Variants in ARHGAP21 observed in about 807,000 individuals in gnomAD.
The protein encoded by ARHGAP21 is rho GTPase-activating protein 21.
ARHGAP21 carries 38 observed loss-of-function variants against 164.6 expected under a neutral mutation model. That is an observed-to-expected ratio of 0.23 (90% confidence interval 0.18 to 0.30). The LOEUF is 0.30. Among genes scored for constraint, ARHGAP21 ranks in the 10% least tolerant of loss-of-function variants. The pLI is 1.00. For missense variants in ARHGAP21, 1,822 were observed against 2,370.7 expected, an observed-to-expected ratio of 0.77 and a Z score of 4.81; for synonymous variants, 766 against 857.9, an observed-to-expected ratio of 0.89 and a Z score of 1.87.
In ARHGAP21 at chr10:24,607,918, GA is replaced by G; in HGVS notation, c.2423-16del. ...AGTTGGTTCATCTGTAAGAAAAAAG[GA>G]AAATCAGAATGTTCAATGACCTAAT... On this transcript the variant is annotated splice_polypyrimidine_tract_variant and intron_variant, in intron 9 of 25. Transcript: ENST00000396432. 1 of 1,578,734 alleles carries G rather than the reference GA, an allele frequency of 6.3e-7. No individual in the cohort carries two copies.
intron 2 of ARHGAP21, among the ~76,000 whole-genome samples, chr10:24,710,892 G>A (rs750179037): frequency 2.6e-5 from 4 of 152,076 alleles, no homozygotes; most frequent in East Asian, 1.9e-4. Flanking sequence ...TCAGGAGTTC[G>A]AGAACAGCAT....
At chr10:24,648,893 G>A in intron 4 of ARHGAP21, 1 of 982,980 alleles carries the variant, frequency 1.0e-6, no homozygotes, top group South Asian at 4.7e-5. Flanking sequence ...TCAGTCAGAA[G>A]ACAACCCTGG....
chr10:24,665,437 A>C (rs1350516605), intron 4 of ARHGAP21, among the ~76,000 whole-genome samples: 1 of 152,208 alleles, frequency 6.6e-6, no homozygotes, highest in Non-Finnish European at 1.5e-5. Flanking sequence ...CAAACGAAAA[A>C]ACAGTAGTAC....
intron 9 of ARHGAP21, 93 bp from the exon 10 acceptor site, chr10:24,607,996 A>C: frequency 1.6e-6 from 2 of 1,259,170 alleles, no homozygotes; most frequent in Non-Finnish European, 2.2e-6. Flanking sequence ...GGGTCAGATA[A>C]GGATTTTAAC....
chr10:24,618,687 G>C (rs1182922875), intron 9 of ARHGAP21, among the ~76,000 whole-genome samples: 1 of 152,176 alleles, frequency 6.6e-6, no homozygotes, highest in Admixed American at 6.5e-5. Flanking sequence ...ATGGAAGATT[G>C]TGATAGGAGA....
chr10:24,721,282 G>A (rs1442985793), intron 2 of ARHGAP21, among the ~76,000 whole-genome samples: 5 of 152,298 alleles, frequency 3.3e-5, no homozygotes, highest in African/African-American at 4.8e-5. Flanking sequence ...CTGTAAGGTC[G>A]TTTTCCAAGG....
At chr10:24,676,683 A>G (rs7079052) in intron 2 of ARHGAP21, among the ~76,000 whole-genome samples, 4 of 152,082 alleles carry the variant, frequency 2.6e-5, no homozygotes, top group African/African-American at 7.2e-5. Flanking sequence ...ATCTATAAAC[A>G]TAATTTGAAA....
chr10:24,603,033 A>G (rs1362460548), intron 12 of ARHGAP21, among the ~76,000 whole-genome samples: 3 of 152,188 alleles, frequency 2.0e-5, no homozygotes, highest in Non-Finnish European at 4.4e-5. Flanking sequence ...CTGATTAAAC[A>G]TCCAAGTGAC....
chr10:24,712,103 A>T (rs149986867), intron 2 of ARHGAP21, among the ~76,000 whole-genome samples: 2,902 of 152,116 alleles, frequency 0.019, 35 homozygotes, highest in Middle Eastern at 0.054. Flanking sequence ...TTTAGCAGAG[A>T]TAGGGTTTTG....
intron 4 of ARHGAP21, chr10:24,648,989 T>C: frequency 2.5e-6 from 1 of 407,042 alleles, no homozygotes; most frequent in Non-Finnish European, 3.3e-6. Flanking sequence ...TAGCTACATA[T>C]AGAATCACTT....
At chr10:24,703,312 T>A (rs765515010) in intron 2 of ARHGAP21, among the ~76,000 whole-genome samples, 3 of 152,242 alleles carry the variant, frequency 2.0e-5, no homozygotes, top group Non-Finnish European at 4.4e-5. Flanking sequence ...AAATCTCATA[T>A]AACATCACCT....
At chr10:24,707,433 C>T (rs1363042618) in intron 2 of ARHGAP21, among the ~76,000 whole-genome samples, 1 of 152,178 alleles carries the variant, frequency 6.6e-6, no homozygotes, top group East Asian at 1.9e-4. Flanking sequence ...TAATTTCTTA[C>T]ACTTCCATAG....
chr10:24,632,976 T>C (rs919920028), intron 6 of ARHGAP21, among the ~76,000 whole-genome samples: 1 of 152,218 alleles, frequency 6.6e-6, no homozygotes, highest in African/African-American at 2.4e-5. Context: ...AGGGAATGTC[T>C]TGTTGTCTTG....
At chr10:24,693,636 A>AG (rs1208878016) in intron 2 of ARHGAP21, among the ~76,000 whole-genome samples, 41 of 152,062 alleles carry the variant, frequency 2.7e-4, no homozygotes, top group Admixed American at 9.8e-4. Context: ...TACAGGCGTG[A>AG]GACACTGCGC....
At chr10:24,656,400 G>A (rs1838936547) in intron 4 of ARHGAP21, among the ~76,000 whole-genome samples, 1 of 92,024 alleles carries the variant, frequency 1.1e-5, no homozygotes, top group Non-Finnish European at 2.2e-5. Flanking sequence ...GGGGGGGTCA[G>A]CCCTCCGCCC....
intron 2 of ARHGAP21, among the ~76,000 whole-genome samples, chr10:24,710,123 C>T (rs1468340437): frequency 6.6e-6 from 1 of 152,134 alleles, no homozygotes; most frequent in Non-Finnish European, 1.5e-5. Context: ...CTGTTGCTCA[C>T]TTCTATATTT....
At chr10:24,666,875 TTA>T in intron 4 of ARHGAP21, 108 bp downstream of exon 4, 2 of 731,604 alleles carry the variant, frequency 2.7e-6, no homozygotes, top group Middle Eastern at 7.7e-4. Context: ...CTAAGAACTA[TTA>T]TATATTTGAA....
intron 4 of ARHGAP21, among the ~76,000 whole-genome samples, chr10:24,666,343 G>A (rs1030276426): frequency 6.6e-6 from 1 of 152,272 alleles, no homozygotes; most frequent in East Asian, 1.9e-4. Flanking sequence ...CCATGGTATT[G>A]TAAGTTTTTA....
At chr10:24,590,454 C>T (rs571853043) in intron 24 of ARHGAP21, 4 of 1,535,254 alleles carry the variant, frequency 2.6e-6, no homozygotes, top group Admixed American at 2.0e-5. Flanking sequence ...GTGACATTAC[C>T]GTGTGATAGA....
Sources: allele counts gnomAD v4.1 joint callset (sites outside exome capture counted in the v4.1 genomes callset), GRCh38; gene constraint gnomAD v4.1.1; transcripts MANE v1.5; gene names NCBI Gene and HGNC (gene_info 2026-07-23, HGNC 2026-07-21).